The following CAMSAP1 variants were observed in gnomAD, a reference collection of about 807,000 sequenced individuals.
The protein encoded by CAMSAP1 is calmodulin-regulated spectrin-associated protein 1.
Under a neutral mutation model 143.5 loss-of-function variants are expected in CAMSAP1, and 58 were observed. The observed-to-expected ratio is 0.40, with a 90% CI of 0.33 to 0.50. The LOEUF is 0.50. Among genes scored for constraint, CAMSAP1 ranks in the 20% least tolerant of loss-of-function variants. CAMSAP1 has a pLI of 0.45. For synonymous variants in CAMSAP1, 945 were observed against 859.3 expected (o/e 1.10, Z -1.74); for missense variants, 1,969 against 2,115.7 (o/e 0.93, Z 1.36).
chr9:135,837,031 C>A, intron 7 of CAMSAP1: 1 of 809,898 alleles, frequency 1.2e-6, no homozygotes. Context: ...CGTCACCACA[C>A]ATGTTCTAGA....
intron 3 of CAMSAP1, among the ~76,000 whole-genome samples, chr9:135,879,914 T>A (rs1448277515): frequency 6.6e-6 from 1 of 151,642 alleles, no homozygotes; most frequent in Non-Finnish European, 1.5e-5. Context: ...AGCAGAAACG[T>A]GGCTTACGAC....
Position 135,819,018 on chromosome 9 carries a change from G to C in CAMSAP1, c.3951C>G (p.Asp1317Glu), listed in dbSNP as rs748688694. The change falls in exon 12 of 17, where the codon GAC (aspartate) becomes GAG (glutamate). Residue 1317 changes from aspartate to glutamate, a missense_variant. Asp to Glu is a conservative substitution (Grantham distance 45, BLOSUM62 2). This residue lies in a region of CAMSAP1 where 1,390 missense variants were observed against 1,420.8 expected (regional missense o/e 0.98). Transcript: ENST00000389532. Reference sequence around the variant, plus strand: ...CCCGGCGGGACGCTTACCGGGCTTCGTCACGCTTGAGCTCCACCTCCGCTT... The same window carrying C: ...CCCGGCGGGACGCTTACCGGGCTTCCTCACGCTTGAGCTCCACCTCCGCTT... Reference protein sequence around the residue: ...QLEAEVELKRDEARRKAEEDR... With the variant: ...QLEAEVELKREEARRKAEEDR... 6.2e-7 allele frequency: 1 copy of C among 1,606,390 alleles called. No individual in the cohort carries two copies.
At chr9:135,846,253 C>T (rs572037488) in intron 7 of CAMSAP1, among the ~76,000 whole-genome samples, 1 of 152,098 alleles carries the variant, frequency 6.6e-6, no homozygotes, top group Non-Finnish European at 1.5e-5. Context: ...TGATCTTTGA[C>T]AAATCTGACA....
intron 4 of CAMSAP1, among the ~76,000 whole-genome samples, chr9:135,863,895 G>A (rs1241384264): frequency 6.6e-6 from 1 of 152,140 alleles, no homozygotes; most frequent in Non-Finnish European, 1.5e-5. Context: ...AGGCATGCGG[G>A]AAAGCACATG....
intron 5 of CAMSAP1, among the ~76,000 whole-genome samples, chr9:135,856,001 G>A (rs868256963): frequency 6.6e-6 from 1 of 152,084 alleles, no homozygotes; most frequent in Non-Finnish European, 1.5e-5. Context: ...GCAGTGAGCC[G>A]AGATCGTACC....
intron 7 of CAMSAP1, among the ~76,000 whole-genome samples, chr9:135,830,896 C>T (rs1180774084): frequency 1.3e-5 from 2 of 152,188 alleles, no homozygotes; most frequent in African/African-American, 2.4e-5. Context: ...GAAGGCCAGG[C>T]GCAGTGGCTC....
intron 5 of CAMSAP1, among the ~76,000 whole-genome samples, chr9:135,855,679 G>C (rs1836931877): frequency 6.6e-6 from 1 of 151,270 alleles, no homozygotes; most frequent in South Asian, 2.1e-4. Flanking sequence ...TGGTGGCAGA[G>C]GCTGCAGTGA....
At chr9:135,849,501 T>C (rs962621098) in intron 7 of CAMSAP1, among the ~76,000 whole-genome samples, 1 of 152,174 alleles carries the variant, frequency 6.6e-6, no homozygotes, top group African/African-American at 2.4e-5. Flanking sequence ...CAAGAATCTG[T>C]TCTTTTGCCT....
At chr9:135,876,941 TA>T (rs1381553836) in intron 3 of CAMSAP1, among the ~76,000 whole-genome samples, 1 of 152,016 alleles carries the variant, frequency 6.6e-6, no homozygotes, top group Non-Finnish European at 1.5e-5. Context: ...CCCAGGAGGC[TA>T]AGGTTGCAGT....
Position 135,821,259 on chromosome 9 carries a change from T to C in CAMSAP1, c.3402A>G (p.Arg1134=), listed in dbSNP as rs1285456465. Residue 1134 remains arginine, a synonymous_variant, in exon 11 of 17, where the codon AGA becomes AGG. Transcript: ENST00000389532. The surrounding 1 kb of genome is among the most constrained non-coding windows in gnomAD (Gnocchi z 4.6). ...TPSVETLPHL[R]PFPASSHPRT... ...GAGGGTGGCTGCTGGCAGGGAAGGG[T>C]CTCAAGTGCGGGAGCGTCTCTACAC... The C allele has an allele frequency of 6.2e-7, 1 of 1,608,502 alleles. No homozygotes were observed. Among genetic ancestry groups the C allele is most frequent in the African/African-American group, 1.3e-5 (1 of 74,836 alleles).
At chr9:135,856,467 A>G (rs377224088) in intron 5 of CAMSAP1, among the ~76,000 whole-genome samples, 9 of 152,196 alleles carry the variant, frequency 5.9e-5, no homozygotes, top group African/African-American at 2.2e-4. Context: ...GAAGAGATTT[A>G]GGTAGGGACA....
At chr9:135,903,025 AT>A (rs1352199507) in intron 1 of CAMSAP1, among the ~76,000 whole-genome samples, 2 of 152,186 alleles carry the variant, frequency 1.3e-5, no homozygotes, top group African/African-American at 2.4e-5. Flanking sequence ...GTTTTTTAAC[AT>A]TGTCCTTGAG....
intron 7 of CAMSAP1, chr9:135,836,659 AC>A (rs199839366): frequency 7.2e-6 from 7 of 973,336 alleles, no homozygotes; most frequent in East Asian, 1.2e-4. Context: ...CGCACTTTCT[AC>A]CCCGTTCTAC....
At chr9:135,877,661 A>C (rs1291586546) in intron 3 of CAMSAP1, among the ~76,000 whole-genome samples, 1 of 152,070 alleles carries the variant, frequency 6.6e-6, no homozygotes, top group Admixed American at 6.6e-5. Flanking sequence ...AATTTTTTTT[A>C]ATCAGCCAGG....
In CAMSAP1 at chr9:135,808,991, G is replaced by A. The variant is rs1055281309; in HGVS notation, c.*2318C>T. 4 of 152,122 alleles carry A rather than the reference G, an allele frequency of 2.6e-5. No homozygotes were observed. Among genetic ancestry groups the A allele is most frequent in the African/African-American group, 9.7e-5 (4 of 41,434 alleles). 9.4% of individuals were successfully genotyped at this position (152,122 alleles called of 1,614,324 possible). A position where few individuals can be genotyped will look rare whatever the true frequency, so the allele number is the denominator to read the frequency against. The stretch of plus-strand genomic sequence containing the variant: ...ACAACGAAAGTTGTGCAAGCTTTCC[G>A]CTGAAAGAAATTTGCAACGAGACAC... On this transcript the variant is annotated 3_prime_UTR_variant, in exon 17 of 17. Transcript: ENST00000389532.
rs1464642714 is a variant in CAMSAP1, at chr9:135,820,647, C to T, written c.3822+192G>A. On this transcript the variant is annotated intron_variant, in intron 11 of 16. Coordinates refer to ENST00000389532, the MANE Select transcript of CAMSAP1 (RefSeq NM_015447.4). The surrounding 1 kb of genome is among the most constrained non-coding windows in gnomAD (Gnocchi z 4.4). ...CCACGCTCACTTGCATGCGTATTGC[C>T]CGGGACTGCTTCTGGCCAAGTGGAG... Among the ~76,000 whole-genome samples, 2 of 152,186 alleles carry T rather than the reference C, an allele frequency of 1.3e-5. No homozygotes were observed. Among genetic ancestry groups the T allele is most frequent in the African/African-American group, 4.8e-5 (2 of 41,454 alleles).
intron 1 of CAMSAP1, among the ~76,000 whole-genome samples, chr9:135,896,019 A>G (rs992148173): frequency 6.6e-6 from 1 of 152,248 alleles, no homozygotes; most frequent in Non-Finnish European, 1.5e-5. Flanking sequence ...ATAAAATGTC[A>G]GACTCAAGTC....
At chr9:135,892,043 A>C (rs1171527912) in intron 1 of CAMSAP1, among the ~76,000 whole-genome samples, 1 of 152,366 alleles carries the variant, frequency 6.6e-6, no homozygotes, top group East Asian at 1.9e-4. Flanking sequence ...GTATGAGACG[A>C]TGTCAAAAGT....
intron 1 of CAMSAP1, among the ~76,000 whole-genome samples, chr9:135,893,833 A>G (rs1425937676): frequency 6.6e-6 from 1 of 152,250 alleles, no homozygotes; most frequent in Non-Finnish European, 1.5e-5. Flanking sequence ...CCAGGACAAA[A>G]TGGCACACAC....
Sources: allele counts gnomAD v4.1 joint callset (sites outside exome capture counted in the v4.1 genomes callset), GRCh38; gene constraint gnomAD v4.1.1; regional missense constraint gnomAD v4.1.1; non-coding constraint Gnocchi (gnomAD v3.1); transcripts MANE v1.5; gene names NCBI Gene and HGNC (gene_info 2026-07-23, HGNC 2026-07-21).